SCN9A: variants seen among roughly 807,000 people sequenced by gnomAD.
SCN9A encodes sodium channel protein type 9 subunit alpha.
Under a neutral mutation model 187.0 loss-of-function variants are expected in SCN9A, and 131 were observed. The ratio of observed to expected loss-of-function variants is 0.70; its 90% CI spans 0.61 to 0.81. The LOEUF is 0.81. Ranked by LOEUF, SCN9A falls within the 30% of genes least tolerant of loss-of-function variation. The pLI, the probability that SCN9A is intolerant of heterozygous loss-of-function variation, is 0.00. For synonymous variants in SCN9A, 809 were observed against 808.6 expected, an observed-to-expected ratio of 1.00 and a Z score of -0.01; for missense variants, 2,252 against 2,396.6, an observed-to-expected ratio of 0.94 and a Z score of 1.26.
intron 20 of SCN9A, 31 bp from the exon 21 acceptor site, chr2:166,233,493 C>A: frequency 6.6e-7 from 1 of 1,521,692 alleles, no homozygotes; most frequent in Non-Finnish European, 8.8e-7. Context: ...TTAATTGTGT[C>A]AATAAAATGA....
intron 15 of SCN9A, among the ~76,000 whole-genome samples, 152 bp from the exon 16 acceptor site, chr2:166,277,491 C>A (rs1697288289): frequency 6.6e-6 from 1 of 152,060 alleles, no homozygotes; most frequent in Non-Finnish European, 1.5e-5. Flanking sequence ...TCATTTTCAT[C>A]AATTTTCAAT....
intron 1 of SCN9A, among the ~76,000 whole-genome samples, chr2:166,354,731 C>A (rs1210277768): frequency 6.6e-6 from 1 of 152,090 alleles, no homozygotes; most frequent in East Asian, 1.9e-4. Context: ...CAGTTTGAAG[C>A]TTGTACGCAA....
chr2:166,226,711 A>C lies in SCN9A; in HGVS notation c.4261-7T>G, dbSNP rs1449279387. 6.5e-7 allele frequency: 1 copy of C among 1,548,288 alleles called. No homozygotes were observed. Among genetic ancestry groups the C allele is most frequent in the Admixed American group, 2.1e-5 (1 of 47,124 alleles). ...ATTTGGGCTGCTTGTCTACCTATAA[A>C]ATTTACAAAAGTTAGCATTATATGG... is the stretch of plus-strand genomic sequence containing the variant. On this transcript the variant is annotated splice_polypyrimidine_tract_variant and splice_region_variant and intron_variant, in intron 23 of 26. Transcript: ENST00000642356.
chr2:166,359,100 G>A (rs2105311492), intron 1 of SCN9A, among the ~76,000 whole-genome samples: 1 of 152,082 alleles, frequency 6.6e-6, no homozygotes. Flanking sequence ...TTCTTCCAAT[G>A]AACTATCTAT....
intron 1 of SCN9A, among the ~76,000 whole-genome samples, chr2:166,342,729 AT>A (rs1389206585): frequency 6.6e-6 from 1 of 152,132 alleles, no homozygotes; most frequent in African/African-American, 2.4e-5. Flanking sequence ...AATTGAAACT[AT>A]TTTTTATTTT....
At position 166,306,607 on chromosome 2, in the gene SCN9A, A is replaced by G; in HGVS notation, c.378-8T>C. 6.5e-7 allele frequency: 1 copy of G among 1,538,644 alleles called. No individual in the cohort carries two copies. The highest frequency in any genetic ancestry group is 2.3e-5 in the East Asian group (1 of 43,050). The stretch of plus-strand genomic sequence containing the variant: ...ATGAGCATGCTGAATAAGGTAGCTT[A>G]GAATCAAGGAACAAAAGAGACGACA... On this transcript the variant is annotated splice_region_variant and splice_polypyrimidine_tract_variant and intron_variant, in intron 3 of 26. Transcript: ENST00000642356.
chr2:166,296,924 G>A (rs981033317), intron 7 of SCN9A, among the ~76,000 whole-genome samples: 1 of 152,014 alleles, frequency 6.6e-6, no homozygotes, highest in East Asian at 1.9e-4. Context: ...ACGGCCGGGC[G>A]CAGTGGCTCA....
intron 1 of SCN9A, among the ~76,000 whole-genome samples, chr2:166,355,649 T>C (rs764377819): frequency 6.6e-6 from 1 of 152,166 alleles, no homozygotes; most frequent in Non-Finnish European, 1.5e-5. Flanking sequence ...AATAGAAATA[T>C]ATAATTACTC....
At chr2:166,205,961 G>A (rs547354632) in intron 24 of SCN9A, among the ~76,000 whole-genome samples, 2 of 152,274 alleles carry the variant, frequency 1.3e-5, no homozygotes, top group East Asian at 3.9e-4. Context: ...AAACCACAAT[G>A]AGATACCACC....
intron 1 of SCN9A, among the ~76,000 whole-genome samples, chr2:166,317,679 A>G (rs1699141303): frequency 1.3e-5 from 2 of 152,170 alleles, no homozygotes; most frequent in Admixed American, 1.3e-4. Flanking sequence ...GTATTTGTCT[A>G]TCTAGCATCT....
At chr2:166,366,783 C>T (rs1216359950) in intron 1 of SCN9A, among the ~76,000 whole-genome samples, 6 of 152,042 alleles carry the variant, frequency 3.9e-5, no homozygotes, top group South Asian at 2.1e-4. Context: ...TAGATTGAGA[C>T]GTATCATAGA....
intron 19 of SCN9A, among the ~76,000 whole-genome samples, chr2:166,240,920 C>T (rs189061150): frequency 1.3e-3 from 193 of 152,260 alleles, no homozygotes; most frequent in African/African-American, 4.4e-3. Flanking sequence ...TGTTCCTCAG[C>T]TGTGACATCA....
chr2:166,222,856 G>C (rs1471854057), intron 24 of SCN9A, among the ~76,000 whole-genome samples: 1 of 139,942 alleles, frequency 7.1e-6, no homozygotes, highest in African/African-American at 2.8e-5. Flanking sequence ...GCGTGAACCC[G>C]GGAGGCGGAG....
At chr2:166,348,111 G>A (rs529802379) in intron 1 of SCN9A, among the ~76,000 whole-genome samples, 29 of 152,272 alleles carry the variant, frequency 1.9e-4, no homozygotes, top group African/African-American at 6.0e-4. Context: ...GAAGAGGCAA[G>A]AGGATGCCAG....
At chr2:166,330,778 T>A (rs369709511) in intron 1 of SCN9A, among the ~76,000 whole-genome samples, 2 of 152,048 alleles carry the variant, frequency 1.3e-5, no homozygotes, top group East Asian at 1.9e-4. Flanking sequence ...TCTCTGAGAG[T>A]CTAATGCCAA....
intron 23 of SCN9A, 58 bp downstream of exon 23, chr2:166,227,612 G>A: frequency 2.0e-6 from 2 of 1,005,986 alleles, no homozygotes; most frequent in South Asian, 1.4e-5. Context: ...GGAAATCACT[G>A]AAATAAACTA....
intron 1 of SCN9A, among the ~76,000 whole-genome samples, chr2:166,323,321 G>A (rs1276563826): frequency 2.0e-5 from 3 of 152,096 alleles, no homozygotes; most frequent in Non-Finnish European, 4.4e-5. Flanking sequence ...TGCCTGGTAT[G>A]GCTCTGAACA....
intron 24 of SCN9A, among the ~76,000 whole-genome samples, chr2:166,220,921 A>G (rs1694557420): frequency 6.6e-6 from 1 of 152,200 alleles, no homozygotes. Context: ...GACTCCACAC[A>G]TCAGGAAAAT....
At chr2:166,254,335 G>A (rs1696172521) in intron 17 of SCN9A, among the ~76,000 whole-genome samples, 3 of 151,558 alleles carry the variant, frequency 2.0e-5, no homozygotes, top group South Asian at 2.1e-4. Context: ...TTTCCATACT[G>A]TATATAAAAT....
Sources: gnomAD v4.1 joint callset for allele counts (sites outside exome capture counted in the v4.1 genomes callset) on GRCh38, gnomAD v4.1.1 for gene constraint, MANE v1.5 for transcripts, NCBI Gene and HGNC (gene_info 2026-07-23, HGNC 2026-07-21) for gene names.